Variants in TNFAIP8 observed in about 807,000 individuals in gnomAD.
The protein encoded by TNFAIP8 is tumor necrosis factor alpha-induced protein 8.
In TNFAIP8, 7 loss-of-function variants were observed where a neutral mutation model predicts 13.3. That is an observed-to-expected ratio of 0.52 (90% CI 0.30 to 0.99). The LOEUF (loss-of-function observed/expected upper bound fraction) is 0.99, where lower values mean the gene tolerates loss of function less well. TNFAIP8 is among the 50% of genes least tolerant of loss of function. TNFAIP8 has a pLI of 0.07. For missense variants in TNFAIP8, 258 were observed against 236.9 expected, an observed-to-expected ratio of 1.09 and a Z score of -0.58; for synonymous variants, 94 against 87.6, an observed-to-expected ratio of 1.07 and a Z score of -0.41.
Position 119,284,872 on chromosome 5 carries a change from G to A in TNFAIP8, c.1+15965G>A, listed in dbSNP as rs558672718. 6.4e-4 allele frequency among the ~76,000 whole-genome samples: 97 copies of A among 152,284 alleles called. 1 individual carries two copies. The South Asian group carries it at 0.019, about 30-fold the overall frequency. ...TCAATAAGGGACAAGAAGAAGGGAG[G>A]TGAAACTTAAATGTGCCAATTTTGA... On this transcript the variant is annotated intron_variant, in intron 1 of 1. Coordinates refer to the TNFAIP8 transcript ENST00000274456.
intron 1 of TNFAIP8, among the ~76,000 whole-genome samples, chr5:119,361,239 C>A (rs967468869): frequency 3.9e-5 from 6 of 152,098 alleles, no homozygotes; most frequent in African/African-American, 1.4e-4. Flanking sequence ...CACTGCCCCC[C>A]CAGCCGCTGA....
intron 1 of TNFAIP8, among the ~76,000 whole-genome samples, chr5:119,326,199 G>C (rs908395479): frequency 5.9e-5 from 9 of 152,172 alleles, no homozygotes; most frequent in Non-Finnish European, 1.3e-4. Flanking sequence ...GGAATGTGTG[G>C]TGTAATAGGG....
chr5:119,355,481 C>G (rs553791347), upstream of TNFAIP8: 3 of 632,156 alleles, frequency 4.7e-6, no homozygotes, highest in South Asian at 5.1e-5. Context: ...CTTGCAACCC[C>G]ATGGACGATA....
At chr5:119,333,702 T>C in intron 1 of TNFAIP8, 1 of 1,227,628 alleles carries the variant, frequency 8.1e-7, no homozygotes, top group Middle Eastern at 1.9e-4. Flanking sequence ...AATGTTCAGA[T>C]GACTAACATA....
intron 1 of TNFAIP8, among the ~76,000 whole-genome samples, chr5:119,312,410 T>G (rs1294805845): frequency 2.0e-5 from 3 of 152,174 alleles, no homozygotes; most frequent in African/African-American, 7.2e-5. Context: ...TAGTAAGTGG[T>G]AAGTGCTCAC....
At chr5:119,318,365 T>C (rs1317522238) in intron 1 of TNFAIP8, among the ~76,000 whole-genome samples, 1 of 152,228 alleles carries the variant, frequency 6.6e-6, no homozygotes, top group Non-Finnish European at 1.5e-5. Flanking sequence ...CACAGCTCAC[T>C]GCAGCCTTGA....
In TNFAIP8 at chr5:119,397,323, C is replaced by A. The variant is rs1306636487; in HGVS notation, c.*3942C>A. 1 of 152,024 alleles carries A rather than the reference C, an allele frequency of 6.6e-6. No homozygotes were observed. The highest frequency in any genetic ancestry group is 1.5e-5 in the Non-Finnish European group (1 of 67,998). The allele number at this position is 152,024 out of a possible 1,614,324, so 9.4% of individuals were successfully genotyped here. A position where few individuals can be genotyped will look rare whatever the true frequency, so the allele number is the denominator to read the frequency against. On this transcript the variant is annotated 3_prime_UTR_variant, in exon 2 of 2. Coordinates refer to ENST00000504771, the MANE Select transcript of TNFAIP8 (RefSeq NM_014350.4). Reference sequence around the variant, plus strand: ...ATGGTAAATAAAAGAATATGTTTATCCAAATGATGAAATATTTGTAGTAAA... The same window carrying A: ...ATGGTAAATAAAAGAATATGTTTATACAAATGATGAAATATTTGTAGTAAA...
chr5:119,298,270 C>T (rs1210118767), intron 1 of TNFAIP8, among the ~76,000 whole-genome samples: 2 of 151,250 alleles, frequency 1.3e-5, no homozygotes, highest in African/African-American at 2.4e-5. Context: ...ATGTTTAGTG[C>T]TTCCTTCAGG....
chr5:119,326,117 T>C (rs561982935), intron 1 of TNFAIP8, among the ~76,000 whole-genome samples: 13 of 152,078 alleles, frequency 8.5e-5, no homozygotes, highest in Non-Finnish European at 1.8e-4. Flanking sequence ...ATGCCTACCA[T>C]TCAGTAGGTA....
At chr5:119,278,380 T>A (rs111259780) in intron 1 of TNFAIP8, among the ~76,000 whole-genome samples, 39,679 of 84,854 alleles carry the variant, frequency 0.47, 6,822 homozygotes, top group Non-Finnish European at 0.52. Flanking sequence ...AGAGAGAGTG[T>A]GTGTGTGTGT....
At chr5:119,372,697 T>TG (rs1472903792) in intron 1 of TNFAIP8, among the ~76,000 whole-genome samples, 1 of 152,190 alleles carries the variant, frequency 6.6e-6, no homozygotes, top group Non-Finnish European at 1.5e-5. Flanking sequence ...CTATGGCTCA[T>TG]GCCTGTAATC....
intron 1 of TNFAIP8, among the ~76,000 whole-genome samples, chr5:119,368,935 C>A (rs1461952598): frequency 6.6e-6 from 1 of 151,992 alleles, no homozygotes; most frequent in African/African-American, 2.4e-5. Flanking sequence ...GATAAAACTC[C>A]GGCCTTTTGA....
intron 1 of TNFAIP8, among the ~76,000 whole-genome samples, chr5:119,284,460 C>A (rs1748718414): frequency 6.6e-6 from 1 of 152,102 alleles, no homozygotes; most frequent in African/African-American, 2.4e-5. Context: ...ATGGGTGGAT[C>A]ACTTGAGGCC....
chr5:119,384,002 A>C (rs186323650), intron 1 of TNFAIP8, among the ~76,000 whole-genome samples: 2 of 152,264 alleles, frequency 1.3e-5, no homozygotes, highest in East Asian at 1.9e-4. Flanking sequence ...AAAGAAGAGG[A>C]AGCTTCTTTT....
intron 1 of TNFAIP8, among the ~76,000 whole-genome samples, chr5:119,348,528 GATGA>G (rs1160781704): frequency 6.6e-6 from 1 of 152,148 alleles, no homozygotes; most frequent in Non-Finnish European, 1.5e-5. Context: ...GGCAATTCTG[GATGA>G]ATGTCTGTTG....
In TNFAIP8 at chr5:119,317,905, T is replaced by C. The variant is rs571167880; in HGVS notation, c.1+48998T>C. On this transcript the variant is annotated intron_variant, in intron 1 of 1. Transcript: ENST00000274456. ...AGCTCCTGCACCCAGCCCTACCTTA[T>C]ATAGTTGATATCATGATCTTTATTT... is the stretch of plus-strand genomic sequence containing the variant. 9.0e-4 allele frequency among the ~76,000 whole-genome samples: 137 copies of C among 152,284 alleles called. 1 individual carries two copies. Among genetic ancestry groups the C allele is most frequent in the Non-Finnish European group, 1.6e-3 (109 of 68,020 alleles).
chr5:119,306,527 T>G (rs1318961578), intron 1 of TNFAIP8: 1 of 152,176 alleles, frequency 6.6e-6, no homozygotes, highest in Non-Finnish European at 1.5e-5. Flanking sequence ...GAACTTAGTG[T>G]GGACGCCTGA....
At chr5:119,338,165 G>GAC (rs367789572) in intron 1 of TNFAIP8, among the ~76,000 whole-genome samples, 21,684 of 124,932 alleles carry the variant, frequency 0.17, 2,053 homozygotes, top group Admixed American at 0.26. Flanking sequence ...CTGGAACTTT[G>GAC]ACACACACAC....
At chr5:119,298,282 G>A (rs13180493) in intron 1 of TNFAIP8, among the ~76,000 whole-genome samples, 1 of 151,928 alleles carries the variant, frequency 6.6e-6, no homozygotes, top group Non-Finnish European at 1.5e-5. Flanking sequence ...TCCTTCAGGA[G>A]CTCTTTTAGG....
Sources: allele counts gnomAD v4.1 joint callset (sites outside exome capture counted in the v4.1 genomes callset), GRCh38; gene constraint gnomAD v4.1.1; transcripts MANE v1.5; gene names NCBI Gene and HGNC (gene_info 2026-07-23, HGNC 2026-07-21).